SHISA9: variants seen among roughly 807,000 people sequenced by gnomAD.
The protein encoded by SHISA9 is protein shisa-9.
In SHISA9, 13 loss-of-function variants were observed where a neutral mutation model predicts 38.0. The ratio of observed to expected loss-of-function variants is 0.34; its 90% CI spans 0.22 to 0.54. The LOEUF is 0.54. Ranked by LOEUF, SHISA9 falls within the 20% of genes least tolerant of loss-of-function variation. SHISA9 has a pLI of 0.91. For synonymous variants in SHISA9, 275 were observed against 242.0 expected (o/e 1.14, Z -1.27); for missense variants, 538 against 575.8 (o/e 0.93, Z 0.67).
chr16:12,944,777 T>C (rs1279200786), intron 2 of SHISA9, among the ~76,000 whole-genome samples: 1 of 152,180 alleles, frequency 6.6e-6, no homozygotes, highest in Admixed American at 6.5e-5. Context: ...TTTTTTTCAG[T>C]ATCAGTATCC....
At chr16:13,549,598 C>G in the SHISA9 span, among the ~76,000 whole-genome samples, 45 of 152,150 alleles carry the variant, frequency 3.0e-4, no homozygotes, top group South Asian at 1.5e-3. Flanking sequence ...TATCTGCACA[C>G]CCCTTAGGTC....
At chr16:13,099,667 C>T (rs6498381) in intron 2 of SHISA9, among the ~76,000 whole-genome samples, 19 of 151,904 alleles carry the variant, frequency 1.3e-4, no homozygotes, top group Non-Finnish European at 2.6e-4. Context: ...GGCTGGACCC[C>T]GATGGGCAGC....
At chr16:13,105,857 T>C (rs1020039448) in intron 2 of SHISA9, among the ~76,000 whole-genome samples, 2 of 152,204 alleles carry the variant, frequency 1.3e-5, no homozygotes, top group African/African-American at 4.8e-5. Context: ...TTGAGCATGT[T>C]GAAGTTGAGA....
chr16:13,519,712 G>T, the SHISA9 span, among the ~76,000 whole-genome samples: 1 of 152,256 alleles, frequency 6.6e-6, no homozygotes, highest in South Asian at 2.1e-4. Flanking sequence ...AGAAGAGAAA[G>T]AATACACGTC....
intron 1 of SHISA9, chr16:12,910,381 T>C (rs2071166212): frequency 1.4e-6 from 1 of 710,444 alleles, no homozygotes; most frequent in African/African-American, 1.9e-5. Flanking sequence ...TGCTGAGAGA[T>C]ATGAGATAAC....
intron 2 of SHISA9, among the ~76,000 whole-genome samples, chr16:13,022,623 C>T (rs561197100): frequency 1.8e-4 from 27 of 152,134 alleles, no homozygotes; most frequent in South Asian, 1.2e-3. Flanking sequence ...TAAGCCACCG[C>T]GCCCAGCCTT....
At chr16:13,434,034 G>T in the SHISA9 span, among the ~76,000 whole-genome samples, 1 of 152,192 alleles carries the variant, frequency 6.6e-6, no homozygotes, top group African/African-American at 2.4e-5. Flanking sequence ...CCCAGTACGA[G>T]TCCCAAAACC....
intron 1 of SHISA9, chr16:12,908,399 A>G: frequency 6.5e-7 from 1 of 1,532,976 alleles, no homozygotes; most frequent in Non-Finnish European, 8.8e-7. Flanking sequence ...GTGTTGAAAA[A>G]TCCTTGTTGG....
chr16:13,487,138 C>T, the SHISA9 span, among the ~76,000 whole-genome samples: 1 of 152,190 alleles, frequency 6.6e-6, no homozygotes, highest in African/African-American at 2.4e-5. Context: ...ACAGTCATCC[C>T]TTGCTATCTG....
intron 2 of SHISA9, among the ~76,000 whole-genome samples, chr16:13,182,827 C>T (rs1417259053): frequency 6.6e-6 from 1 of 152,064 alleles, no homozygotes; most frequent in East Asian, 1.9e-4. Flanking sequence ...AAAAAACAAT[C>T]ATTTTATTAT....
At chr16:13,286,483 G>T in the SHISA9 span, among the ~76,000 whole-genome samples, 1 of 152,060 alleles carries the variant, frequency 6.6e-6, no homozygotes, top group Non-Finnish European at 1.5e-5. Context: ...TCAAGAGCCC[G>T]CATAAAACAG....
At chr16:13,150,709 A>G (rs2050491850) in intron 2 of SHISA9, among the ~76,000 whole-genome samples, 1 of 152,034 alleles carries the variant, frequency 6.6e-6, no homozygotes, top group African/African-American at 2.4e-5. Context: ...ATTGTCTGGG[A>G]CCTCCCACCA....
intron 2 of SHISA9, among the ~76,000 whole-genome samples, chr16:13,055,525 A>G (rs1489521484): frequency 6.6e-6 from 1 of 152,216 alleles, no homozygotes; most frequent in African/African-American, 2.4e-5. Context: ...CTTGGTGATC[A>G]TGAGAAAGTG....
chr16:13,370,583 C>T, the SHISA9 span, among the ~76,000 whole-genome samples: 1 of 152,172 alleles, frequency 6.6e-6, no homozygotes, highest in African/African-American at 2.4e-5. Flanking sequence ...TTATAATTAT[C>T]CTAATTGTAC....
At chr16:13,200,212 C>A (rs1266510347) in intron 2 of SHISA9, among the ~76,000 whole-genome samples, 1 of 152,106 alleles carries the variant, frequency 6.6e-6, no homozygotes, top group African/African-American at 2.4e-5. Context: ...CCTTTTGCTA[C>A]AAGTATTTCC....
chr16:13,298,128 A>C, the SHISA9 span, among the ~76,000 whole-genome samples: 6 of 152,166 alleles, frequency 3.9e-5, no homozygotes, highest in Non-Finnish European at 7.3e-5. Flanking sequence ...TCTTGTGACC[A>C]ATTCAATCCA....
the SHISA9 span, among the ~76,000 whole-genome samples, chr16:13,538,362 A>C: frequency 6.6e-6 from 1 of 152,222 alleles, no homozygotes; most frequent in Non-Finnish European, 1.5e-5. Flanking sequence ...CATACAGAAT[A>C]CTTGGTAACA....
the SHISA9 span, among the ~76,000 whole-genome samples, chr16:13,557,161 G>C: frequency 7.2e-5 from 11 of 152,138 alleles, no homozygotes; most frequent in Non-Finnish European, 1.5e-4. Flanking sequence ...TTCAACAAGT[G>C]TTAATTCCCT....
intron 2 of SHISA9, among the ~76,000 whole-genome samples, chr16:13,059,609 C>A (rs948912461): frequency 1.3e-5 from 2 of 152,106 alleles, no homozygotes; most frequent in Non-Finnish European, 2.9e-5. Flanking sequence ...GTACAGCAAA[C>A]CACCATGGCA....
Sources: allele counts gnomAD v4.1 joint callset (sites outside exome capture counted in the v4.1 genomes callset), GRCh38; gene constraint gnomAD v4.1.1; transcripts MANE v1.5; gene names NCBI Gene and HGNC (gene_info 2026-07-23, HGNC 2026-07-21).